The following SH3GL2 variants were observed in gnomAD, a reference collection of about 807,000 sequenced individuals.
The protein encoded by SH3GL2 is endophilin-A1.
Under a neutral mutation model 46.0 loss-of-function variants are expected in SH3GL2, and 24 were observed. The ratio of observed to expected loss-of-function variants is 0.52; its 90% CI spans 0.38 to 0.73. The LOEUF is 0.73. Among genes scored for constraint, SH3GL2 ranks in the 30% least tolerant of loss-of-function variants. SH3GL2 has a pLI of 0.00. For missense variants in SH3GL2, 413 were observed against 424.2 expected (o/e 0.97, Z 0.23); for synonymous variants, 196 against 147.1 (o/e 1.33, Z -2.40).
intron 1 of SH3GL2, among the ~76,000 whole-genome samples, chr9:17,745,127 A>G (rs1015630209): frequency 1.3e-5 from 2 of 152,200 alleles, no homozygotes; most frequent in Admixed American, 1.3e-4. Context: ...TCTCATCTTC[A>G]ATGTAGTAAT....
chr9:17,579,098 C>A lies in SH3GL2; in HGVS notation c.-145C>A, dbSNP rs1282215257. 3 of 509,520 alleles carry A rather than the reference C, an allele frequency of 5.9e-6. No individual in the cohort carries two copies. In the East Asian group the frequency reaches 1.1e-4, roughly 19 times the overall value. The allele number at this position is 509,520 out of a possible 1,614,324, so 31.6% of individuals were successfully genotyped here. A position where few individuals can be genotyped will look rare whatever the true frequency, so the allele number is the denominator to read the frequency against. ...TGTTTCTCCGCAAGAGCCCGTGTCCCGCTAGGCTCCGCGCCCTCGCGCCCA... is the reference window on the plus strand; with the variant it reads ...TGTTTCTCCGCAAGAGCCCGTGTCCAGCTAGGCTCCGCGCCCTCGCGCCCA... On this transcript the variant is annotated 5_prime_UTR_variant, in exon 1 of 9. Coordinates refer to ENST00000380607, the MANE Select transcript of SH3GL2 (RefSeq NM_003026.5).
intron 5 of SH3GL2, among the ~76,000 whole-genome samples, chr9:17,788,899 A>G (rs1047097318): frequency 1.1e-4 from 16 of 144,262 alleles, no homozygotes; most frequent in East Asian, 5.5e-4. Context: ...GTGATGAGCA[A>G]CTTACGTGAT....
chr9:17,589,536 C>A (rs1462995598), intron 1 of SH3GL2: 2 of 152,050 alleles, frequency 1.3e-5, no homozygotes, highest in African/African-American at 4.8e-5. Flanking sequence ...ACTTCTCTAA[C>A]CTTGGAATAG....
chr9:17,602,460 A>G (rs1276432190), intron 1 of SH3GL2, among the ~76,000 whole-genome samples: 1 of 152,108 alleles, frequency 6.6e-6, no homozygotes, highest in Non-Finnish European at 1.5e-5. Context: ...TCATACCCCA[A>G]TGCAGAGGCC....
chr9:17,703,321 A>G (rs1821382951), intron 1 of SH3GL2, among the ~76,000 whole-genome samples: 1 of 152,090 alleles, frequency 6.6e-6, no homozygotes, highest in Admixed American at 6.6e-5. Context: ...TGTGATGTCA[A>G]TAATGAGTGA....
At chr9:17,675,928 G>C (rs1051469745) in intron 1 of SH3GL2, among the ~76,000 whole-genome samples, 1 of 152,184 alleles carries the variant, frequency 6.6e-6, no homozygotes, top group African/African-American at 2.4e-5. Flanking sequence ...CTGGGCGACA[G>C]AGCGAGACTC....
intron 1 of SH3GL2, among the ~76,000 whole-genome samples, chr9:17,627,316 A>G (rs984949995): frequency 6.6e-6 from 1 of 152,164 alleles, no homozygotes; most frequent in African/African-American, 2.4e-5. Context: ...CCTATGAGGC[A>G]GAGAGCTAGC....
chr9:17,734,731 A>G (rs576499531), intron 1 of SH3GL2, among the ~76,000 whole-genome samples: 9 of 152,050 alleles, frequency 5.9e-5, no homozygotes, highest in Non-Finnish European at 1.2e-4. Context: ...TTTCATTTAT[A>G]TAAAATGTCC....
intron 3 of SH3GL2, among the ~76,000 whole-genome samples, chr9:17,779,744 G>C (rs1823745303): frequency 6.6e-6 from 1 of 152,148 alleles, no homozygotes; most frequent in Non-Finnish European, 1.5e-5. Flanking sequence ...CAAGATTTCA[G>C]ATGTTGTCAG....
At chr9:17,650,235 A>G (rs774503269) in intron 1 of SH3GL2, among the ~76,000 whole-genome samples, 1 of 152,252 alleles carries the variant, frequency 6.6e-6, no homozygotes, top group Non-Finnish European at 1.5e-5. Context: ...GATTTTACTT[A>G]AACTAGAAAT....
chr9:17,755,463 G>T (rs367772536), intron 2 of SH3GL2, among the ~76,000 whole-genome samples: 2 of 152,022 alleles, frequency 1.3e-5, no homozygotes, highest in African/African-American at 4.8e-5. Flanking sequence ...TTGTATCTTT[G>T]TGGCTAATTT....
chr9:17,705,380 T>G (rs957684104), intron 1 of SH3GL2, among the ~76,000 whole-genome samples: 1 of 152,028 alleles, frequency 6.6e-6, no homozygotes, highest in Non-Finnish European at 1.5e-5. Context: ...AACCCAGCAA[T>G]CCCATATTGG....
At chr9:17,609,699 T>C (rs185260830) in intron 1 of SH3GL2, among the ~76,000 whole-genome samples, 133 of 152,380 alleles carry the variant, frequency 8.7e-4, no homozygotes, top group African/African-American at 2.9e-3. Context: ...GGGGAATTTA[T>C]TGAGAATGTG....
chr9:17,735,104 A>G lies in SH3GL2; in HGVS notation c.46-11962A>G, dbSNP rs546724239. ...TGCCACATCATGAGAAGGGGTAACC[A>G]GTCTCTTAAGTCTTTTCTTTCTAAA... On this transcript the variant is annotated intron_variant, in intron 1 of 8. Transcript: ENST00000380607. Among the ~76,000 whole-genome samples the G allele has an allele frequency of 1.1e-4, 16 of 152,216 alleles. 1 individual carries two copies. In the South Asian group the frequency reaches 3.3e-3, roughly 32 times the overall value.
chr9:17,579,457 G>C (rs1315454955), intron 1 of SH3GL2, among the ~76,000 whole-genome samples, 170 bp downstream of exon 1: 1 of 151,848 alleles, frequency 6.6e-6, no homozygotes, highest in Non-Finnish European at 1.5e-5. Context: ...TCCCCGGTCT[G>C]GGCGTCCACC....
intron 1 of SH3GL2, among the ~76,000 whole-genome samples, chr9:17,588,675 A>G (rs772824094): frequency 1.3e-5 from 2 of 152,204 alleles, no homozygotes; most frequent in African/African-American, 2.4e-5. Flanking sequence ...AAGCTTCCAG[A>G]TAAGAGCCCA....
chr9:17,723,768 A>G (rs188974995), intron 1 of SH3GL2, among the ~76,000 whole-genome samples: 1 of 152,106 alleles, frequency 6.6e-6, no homozygotes, highest in East Asian at 1.9e-4. Context: ...TCTCTCTCCC[A>G]GAGTGAAAAG....
rs1309386218 is a variant in SH3GL2 at position 17,644,169 on chromosome 9, C to A, written c.45+64882C>A. ...ATGGTAGTTTATATTTCTGTGGGGT[C>A]AGTGGTGGTATCCCCTTTATATCAT... On this transcript the variant is annotated intron_variant, in intron 1 of 8. Coordinates refer to ENST00000380607, the MANE Select transcript of SH3GL2 (RefSeq NM_003026.5). 2.6e-5 allele frequency among the ~76,000 whole-genome samples: 4 copies of A among 152,122 alleles called. No individual in the cohort carries two copies. The East Asian group carries it at 7.7e-4, about 29-fold the overall frequency.
At chr9:17,755,758 C>G in intron 2 of SH3GL2, 1 of 984,468 alleles carries the variant, frequency 1.0e-6, no homozygotes, top group Non-Finnish European at 1.2e-6. Context: ...TTTGTTGCTC[C>G]ACAAACAACG....
Sources: gnomAD v4.1 joint callset for allele counts (sites outside exome capture counted in the v4.1 genomes callset) on GRCh38, gnomAD v4.1.1 for gene constraint, MANE v1.5 for transcripts, NCBI Gene and HGNC (gene_info 2026-07-23, HGNC 2026-07-21) for gene names.